LSAMP: variants seen among roughly 807,000 people sequenced by gnomAD.
LSAMP encodes the protein limbic system-associated membrane protein.
LSAMP carries 7 observed loss-of-function variants against 38.6 expected under a neutral mutation model. That is an observed-to-expected ratio of 0.18 (90% CI 0.10 to 0.34). The LOEUF is 0.34. Among genes scored for constraint, LSAMP ranks in the 10% least tolerant of loss-of-function variants. The pLI is 1.00. For synonymous variants in LSAMP, 154 were observed against 166.8 expected, an observed-to-expected ratio of 0.92 and a Z score of 0.59; for missense variants, 313 against 420.0, an observed-to-expected ratio of 0.75 and a Z score of 2.23.
intron 1 of LSAMP, among the ~76,000 whole-genome samples, chr3:116,292,377 T>C (rs1009850426): frequency 1.5e-5 from 2 of 137,494 alleles, no homozygotes; most frequent in African/African-American, 7.0e-5. Context: ...GGAAATGATG[T>C]AAATAAATCA....
intron 1 of LSAMP, among the ~76,000 whole-genome samples, chr3:116,292,005 A>G (rs1361557149): frequency 6.6e-6 from 1 of 152,116 alleles, no homozygotes; most frequent in Admixed American, 6.5e-5. Context: ...TAAGATCACC[A>G]CTCAGCAATC....
chr3:116,434,236 G>A (rs748382396), intron 1 of LSAMP, among the ~76,000 whole-genome samples: 1 of 152,078 alleles, frequency 6.6e-6, no homozygotes, highest in African/African-American at 2.4e-5. Flanking sequence ...TAGTCAGCTT[G>A]ATTTATAGTA....
intron 6 of LSAMP, among the ~76,000 whole-genome samples, chr3:115,818,108 C>G (rs1042403002): frequency 6.6e-6 from 1 of 152,164 alleles, no homozygotes; most frequent in Non-Finnish European, 1.5e-5. Flanking sequence ...TAGACAGAAC[C>G]TAGTCCATTA....
chr3:115,892,591 C>T (rs1045441149), intron 3 of LSAMP, among the ~76,000 whole-genome samples: 8 of 151,804 alleles, frequency 5.3e-5, no homozygotes, highest in Middle Eastern at 3.4e-3. Flanking sequence ...AGGGGGGTTT[C>T]GGGAGTGCTA....
chr3:116,429,688 T>C (rs1381504924), intron 1 of LSAMP, among the ~76,000 whole-genome samples: 2 of 152,078 alleles, frequency 1.3e-5, no homozygotes, highest in Non-Finnish European at 2.9e-5. Context: ...TCTAGGGAGA[T>C]GGCTGAGTTC....
intron 1 of LSAMP, among the ~76,000 whole-genome samples, chr3:116,221,131 A>G (rs1390214308): frequency 7.7e-6 from 1 of 129,290 alleles, no homozygotes; most frequent in Non-Finnish European, 1.6e-5. Flanking sequence ...AGCCTGTGTG[A>G]CAGAGCGAGA....
chr3:115,895,099 T>C (rs1344769390), intron 3 of LSAMP, among the ~76,000 whole-genome samples: 1 of 152,104 alleles, frequency 6.6e-6, no homozygotes, highest in African/African-American at 2.4e-5. Flanking sequence ...CTTGCTATGC[T>C]TCCCTCCCAT....
intron 3 of LSAMP, among the ~76,000 whole-genome samples, chr3:115,938,306 T>C (rs1407912231): frequency 1.3e-5 from 2 of 152,176 alleles, no homozygotes; most frequent in African/African-American, 4.8e-5. Flanking sequence ...TGTACACTCA[T>C]TTGCCTACAT....
In LSAMP at chr3:116,060,826, C is replaced by T. The variant is rs149127446; in HGVS notation, c.388+25498G>A. Among the ~76,000 whole-genome samples, 9 of 151,648 alleles carry T rather than the reference C, an allele frequency of 5.9e-5. No homozygotes were observed. In the East Asian group the frequency reaches 1.2e-3, roughly 20 times the overall value. On this transcript the variant is annotated intron_variant, in intron 2 of 6. Transcript: ENST00000490035. ...CCCACAAAAACATATTCATTCATTT[C>T]GCAAAATTTTGCACCTACAATACCT...
chr3:116,416,420 C>G (rs1054050933), intron 1 of LSAMP, among the ~76,000 whole-genome samples: 1 of 152,048 alleles, frequency 6.6e-6, no homozygotes, highest in Non-Finnish European at 1.5e-5. Context: ...GTTTAAGATA[C>G]TACATTTGGG....
intron 3 of LSAMP, among the ~76,000 whole-genome samples, chr3:115,892,333 C>G (rs2107460794): frequency 6.6e-6 from 1 of 152,026 alleles, no homozygotes; most frequent in African/African-American, 2.4e-5. Context: ...CAATAGTCCC[C>G]AAATAGAAAC....
At chr3:116,344,836 C>T (rs149809651) in intron 1 of LSAMP, among the ~76,000 whole-genome samples, 1 of 152,208 alleles carries the variant, frequency 6.6e-6, no homozygotes, top group Admixed American at 6.5e-5. Context: ...TGACTAACTC[C>T]AAAGTTTCCA....
chr3:116,026,410 A>G (rs534818270), intron 2 of LSAMP, among the ~76,000 whole-genome samples: 68 of 152,184 alleles, frequency 4.5e-4, no homozygotes, highest in Non-Finnish European at 8.7e-4. Flanking sequence ...CGTTTCTTAT[A>G]TATGCCAAAA....
At chr3:116,093,447 A>T (rs1708165758) in intron 1 of LSAMP, among the ~76,000 whole-genome samples, 1 of 152,232 alleles carries the variant, frequency 6.6e-6, no homozygotes, top group South Asian at 2.1e-4. Flanking sequence ...GTGTTTTCAT[A>T]GGCTTATGCT....
intron 1 of LSAMP, among the ~76,000 whole-genome samples, chr3:116,166,026 G>C (rs1559766990): frequency 6.6e-6 from 1 of 152,144 alleles, no homozygotes; most frequent in Non-Finnish European, 1.5e-5. Context: ...TGTTGCAATA[G>C]AGAATGCTAA....
intron 2 of LSAMP, among the ~76,000 whole-genome samples, chr3:116,020,839 G>A (rs1157723419): frequency 6.6e-6 from 1 of 152,136 alleles, no homozygotes; most frequent in East Asian, 1.9e-4. Context: ...TATGTGTCTG[G>A]GGGAAGGAGA....
intron 1 of LSAMP, among the ~76,000 whole-genome samples, chr3:116,238,851 T>C (rs1422771422): frequency 4.4e-5 from 3 of 68,664 alleles, no homozygotes; most frequent in South Asian, 7.7e-4. Context: ...GACATGGTTA[T>C]CTTTTTTTTT....
intron 3 of LSAMP, among the ~76,000 whole-genome samples, chr3:116,011,044 C>T (rs532830984): frequency 1.3e-5 from 2 of 149,572 alleles, no homozygotes; most frequent in East Asian, 3.9e-4. Context: ...CACTCTGTTG[C>T]CCAGGCTGGA....
intron 2 of LSAMP, among the ~76,000 whole-genome samples, chr3:116,084,257 C>T (rs944680802): frequency 1.3e-5 from 2 of 151,948 alleles, no homozygotes; most frequent in Admixed American, 6.6e-5. Context: ...TTCATTTGCA[C>T]TGCCATGTCA....
Sources: gnomAD v4.1 joint callset for allele counts (sites outside exome capture counted in the v4.1 genomes callset) on GRCh38, gnomAD v4.1.1 for gene constraint, MANE v1.5 for transcripts, NCBI Gene and HGNC (gene_info 2026-07-23, HGNC 2026-07-21) for gene names.